The following TRMT9B variants were observed in gnomAD, a reference collection of about 807,000 sequenced individuals.
TRMT9B encodes the protein tRNA methyltransferase 9B (putative).
Under a neutral mutation model 11.5 loss-of-function variants are expected in TRMT9B, and 16 were observed. The observed-to-expected ratio is 1.39, with a 90% CI of 0.94 to 2.11. TRMT9B has a LOEUF of 2.11. Among genes scored for constraint, TRMT9B ranks in the 30% most tolerant of loss-of-function variants. The probability of loss-of-function intolerance (pLI) is 0.00; values close to 1 mark genes in which losing one functional copy is unlikely to be tolerated. For synonymous variants in TRMT9B, 274 were observed against 192.4 expected (o/e 1.42, Z -3.51); for missense variants, 941 against 553.8 (o/e 1.70, Z -7.02).
chr8:12,969,784 A>G (rs970265320), intron 1 of TRMT9B, among the ~76,000 whole-genome samples: 8 of 148,312 alleles, frequency 5.4e-5, no homozygotes, highest in Non-Finnish European at 1.0e-4. Context: ...GAATCCTCCC[A>G]CCTAAGCCTC....
Position 12,990,954 on chromosome 8 carries a change from T to C in TRMT9B, c.-79T>C. The C allele has an allele frequency of 7.8e-7, 1 of 1,289,108 alleles. No homozygotes were observed. The highest frequency in any genetic ancestry group is 1.2e-5 in the South Asian group (1 of 80,892). 79.9% of individuals were successfully genotyped at this position (1,289,108 alleles called of 1,614,324 possible). ...CATTGAGAAAGTTATGAGAAGCAAC[T>C]GTCACTCTCTGGAGGTGGAGACTGC... On this transcript the variant is annotated 5_prime_UTR_variant, in exon 2 of 5. Coordinates refer to ENST00000524591, the MANE Select transcript of TRMT9B (RefSeq NM_020844.3).
At chr8:12,949,009 G>C (rs1314078189) in intron 1 of TRMT9B, among the ~76,000 whole-genome samples, 7 of 152,128 alleles carry the variant, frequency 4.6e-5, no homozygotes, top group Admixed American at 1.3e-4. Flanking sequence ...ACGTTTCATA[G>C]TTGTCTAATT....
At chr8:12,975,759 T>C (rs1405506414) in intron 1 of TRMT9B, among the ~76,000 whole-genome samples, 1 of 148,812 alleles carries the variant, frequency 6.7e-6, no homozygotes, top group Non-Finnish European at 1.5e-5. Flanking sequence ...AAAATAAAAA[T>C]AAAAATAAAT....
chr8:12,959,483 TC>T (rs1801762873), intron 1 of TRMT9B, among the ~76,000 whole-genome samples: 2 of 51,826 alleles, frequency 3.9e-5, no homozygotes, highest in Non-Finnish European at 1.2e-4. Context: ...TATTTTCCTC[TC>T]CTCTCCTCTC....
At position 12,994,996 on chromosome 8, in the gene TRMT9B, C is replaced by G. The variant is rs534899531; in HGVS notation, c.-2+3965C>G. ...CGCGCCTGGCTGAAAAGAACATTTTCAAATCTTGCCTACGCTTCCAGGCTG... is the reference window on the plus strand; with the variant it reads ...CGCGCCTGGCTGAAAAGAACATTTTGAAATCTTGCCTACGCTTCCAGGCTG... On this transcript the variant is annotated intron_variant, in intron 2 of 4. Coordinates refer to ENST00000524591, the MANE Select transcript of TRMT9B (RefSeq NM_020844.3). 5.9e-5 allele frequency among the ~76,000 whole-genome samples: 9 copies of G among 152,324 alleles called. No individual in the cohort carries two copies. In the East Asian group the frequency reaches 1.7e-3, roughly 29 times the overall value.
intron 1 of TRMT9B, among the ~76,000 whole-genome samples, chr8:12,987,635 T>G (rs1226238498): frequency 6.6e-6 from 1 of 152,010 alleles, no homozygotes; most frequent in Non-Finnish European, 1.5e-5. Flanking sequence ...AAGGCTGCAG[T>G]GAGCTACGAT....
chr8:12,997,024 C>A (rs1808482027), intron 2 of TRMT9B, among the ~76,000 whole-genome samples: 1 of 140,256 alleles, frequency 7.1e-6, no homozygotes, highest in Non-Finnish European at 1.6e-5. Flanking sequence ...TTTCTTTGAT[C>A]TATCTATGGG....
chr8:12,960,393 G>C (rs1302056936), intron 1 of TRMT9B: 1 of 152,204 alleles, frequency 6.6e-6, no homozygotes, highest in Non-Finnish European at 1.5e-5. Flanking sequence ...AGCCCACGGA[G>C]TATCTTACGG....
At chr8:12,972,968 A>T (rs923073490) in intron 1 of TRMT9B, among the ~76,000 whole-genome samples, 3 of 152,174 alleles carry the variant, frequency 2.0e-5, no homozygotes, top group Middle Eastern at 3.2e-3. Flanking sequence ...CCTCCAGGCC[A>T]TTTAAACACT....
intron 4 of TRMT9B, among the ~76,000 whole-genome samples, chr8:13,016,676 A>T (rs1812771774): frequency 6.6e-6 from 1 of 151,724 alleles, no homozygotes; most frequent in Non-Finnish European, 1.5e-5. Context: ...TCCTAGGGAA[A>T]AGTGGTGGCG....
chr8:12,965,869 C>T (rs1420719475), intron 1 of TRMT9B, among the ~76,000 whole-genome samples: 6 of 150,816 alleles, frequency 4.0e-5, no homozygotes, highest in East Asian at 1.9e-4. Context: ...AAAAATCAGC[C>T]GGGTGTGGTG....
chr8:12,950,859 G>C (rs73204873), intron 1 of TRMT9B, among the ~76,000 whole-genome samples: 1 of 152,238 alleles, frequency 6.6e-6, no homozygotes, highest in Non-Finnish European at 1.5e-5. Flanking sequence ...ACCTGAACTG[G>C]AAACAACAGC....
rs920336641 is a variant in TRMT9B, at chr8:12,969,906, C to G, written c.-199-20928C>G. 10 of 145,084 alleles carry G rather than the reference C, an allele frequency of 6.9e-5. No individual in the cohort carries two copies. The East Asian group carries it at 2.0e-3, about 29-fold the overall frequency. 9.0% of individuals were successfully genotyped at this position (145,084 alleles called of 1,614,324 possible). On this transcript the variant is annotated intron_variant, in intron 1 of 4. Coordinates refer to ENST00000524591, the MANE Select transcript of TRMT9B (RefSeq NM_020844.3). ...CTTGCTATGTGGCCCAGGCTGGTCT[C>G]AAACTGACCTCAAGCCATCCTCCCA...
chr8:13,010,444 C>T (rs1292668380), intron 3 of TRMT9B: 2 of 984,904 alleles, frequency 2.0e-6, no homozygotes, highest in Non-Finnish European at 2.4e-6. Context: ...TAGGTTTTTC[C>T]ACTTAGCTAA....
intron 2 of TRMT9B, among the ~76,000 whole-genome samples, chr8:12,994,495 C>A (rs994486397): frequency 6.6e-6 from 1 of 152,158 alleles, no homozygotes; most frequent in Non-Finnish European, 1.5e-5. Flanking sequence ...CTCAGCTCTT[C>A]AAACACATCA....
At chr8:13,010,629 T>C in intron 3 of TRMT9B, 1 of 985,198 alleles carries the variant, frequency 1.0e-6, no homozygotes, top group Non-Finnish European at 1.2e-6. Flanking sequence ...TTCCTTCTTA[T>C]TACAAAATGC....
intron 4 of TRMT9B, among the ~76,000 whole-genome samples, chr8:13,014,525 G>C: frequency 6.6e-6 from 1 of 152,066 alleles, no homozygotes; most frequent in East Asian, 1.9e-4. Flanking sequence ...CTTATAAATA[G>C]GCCATTAAGC....
At chr8:13,012,526 G>C (rs867648788) in intron 3 of TRMT9B, 158 bp from the exon 4 acceptor site, 10 of 933,082 alleles carry the variant, frequency 1.1e-5, no homozygotes, top group Non-Finnish European at 1.5e-5. Flanking sequence ...AGTGAACCGA[G>C]ATTGCGCCAC....
intron 1 of TRMT9B, among the ~76,000 whole-genome samples, chr8:12,962,481 T>A (rs1175730105): frequency 6.6e-6 from 1 of 152,050 alleles, no homozygotes; most frequent in Non-Finnish European, 1.5e-5. Context: ...TTAAATTTTT[T>A]TTTTCGTTTG....
Sources: gnomAD v4.1 joint callset for allele counts (sites outside exome capture counted in the v4.1 genomes callset) on GRCh38, gnomAD v4.1.1 for gene constraint, MANE v1.5 for transcripts, NCBI Gene and HGNC (gene_info 2026-07-23, HGNC 2026-07-21) for gene names.